Variants in SEC61A2 observed in about 807,000 individuals in gnomAD.
SEC61A2 encodes the protein SEC61 translocon subunit alpha 2, also known as protein transport protein Sec61 subunit alpha isoform 2.
In SEC61A2, 28 loss-of-function variants were observed where a neutral mutation model predicts 59.9. The ratio of observed to expected loss-of-function variants is 0.47; its 90% CI spans 0.35 to 0.64. SEC61A2 has a LOEUF of 0.64. Among genes scored for constraint, SEC61A2 ranks in the 30% least tolerant of loss-of-function variants. SEC61A2 has a pLI of 0.01. For missense variants in SEC61A2, 340 were observed against 585.9 expected, an observed-to-expected ratio of 0.58 and a Z score of 4.33; for synonymous variants, 202 against 214.4, an observed-to-expected ratio of 0.94 and a Z score of 0.50.
rs141416885 is a variant in SEC61A2, at chr10:12,135,262, C to G, written c.76-843C>G. 1.5e-3 allele frequency among the ~76,000 whole-genome samples: 229 copies of G among 152,030 alleles called. 2 individuals are homozygous for G. The highest frequency in any genetic ancestry group is 5.3e-3 in the African/African-American group (218 of 41,456). Reference sequence around the variant, plus strand: ...GCAAACCACCATGGCATATGTCTGCCTATGTAACAAACCGGCACGTTCAGC... The same window carrying G: ...GCAAACCACCATGGCATATGTCTGCGTATGTAACAAACCGGCACGTTCAGC... On this transcript the variant is annotated intron_variant, in intron 2 of 11. Transcript: ENST00000298428.
At chr10:12,167,371 G>T, downstream of SEC61A2, 1 of 215,316 alleles carries the variant, frequency 4.6e-6, no homozygotes. Context: ...TGAGAACTCA[G>T]GTCTATTTCT....
Position 12,156,966 on chromosome 10 carries a change from A to G in SEC61A2, c.676A>G (p.Lys226Glu). ...LFHLLATRTD[K>E]VRALREAFYR... is the part of the protein sequence containing the mutation. ...CCATTTGTTGGCCACCAGGACGGAC[A>G]AAGTCCGAGCTTTACGGGAGGCTTT... is the stretch of plus-strand genomic sequence containing the variant. The change falls in exon 8 of 12, where the codon AAA (lysine) becomes GAA (glutamate). Residue 226 changes from lysine (K) to glutamate (E), a missense_variant. This residue lies in a region of SEC61A2 where 283 missense variants were observed against 483.2 expected (regional missense o/e 0.59). Coordinates refer to ENST00000298428, the MANE Select transcript of SEC61A2 (RefSeq NM_018144.4). This position sits in a 1 kb window ranked among gnomAD's most constrained non-coding sequence, Gnocchi z 5.2. The G allele has an allele frequency of 6.2e-7, 1 of 1,614,062 alleles. No homozygotes were observed.
rs200832754 is a variant in SEC61A2, at chr10:12,160,925, T to C, written c.976-5T>C. 39 of 1,610,986 alleles carry C rather than the reference T, an allele frequency of 2.4e-5. No individual in the cohort carries two copies. In the African/African-American group the frequency reaches 4.0e-4, roughly 17 times the overall value. On this transcript the variant is annotated splice_polypyrimidine_tract_variant and splice_region_variant and intron_variant, in intron 9 of 11. Coordinates refer to ENST00000298428, the MANE Select transcript of SEC61A2 (RefSeq NM_018144.4). The surrounding 1 kb of genome is among the most constrained non-coding windows in gnomAD (Gnocchi z 4.1). The stretch of plus-strand genomic sequence containing the variant: ...CCACTTGTTCTTTGTACTCCTGTTC[T>C]GTAGGATGTCAGTGGGGGAGGACCC...
Position 12,164,169 on chromosome 10 carries a change from G to C in SEC61A2, c.1245-99G>C. 7.1e-7 allele frequency: 1 copy of C among 1,405,046 alleles called. No individual in the cohort carries two copies. The highest frequency in any genetic ancestry group is 9.7e-7 in the Non-Finnish European group (1 of 1,032,570). The allele number at this position is 1,405,046 out of a possible 1,614,324, so 87.0% of individuals were successfully genotyped here. ...CCCTCTGGAGTTCAGGGAGGCTTTA[G>C]ACCCAGCTATGGCTGCTGCGCCTCG... On this transcript the variant is annotated intron_variant, in intron 11 of 11. Transcript: ENST00000298428. The surrounding 1 kb of genome is among the most constrained non-coding windows in gnomAD (Gnocchi z 7.3).
intron 6 of SEC61A2, among the ~76,000 whole-genome samples, chr10:12,151,682 C>G (rs1834279366): frequency 6.6e-6 from 1 of 151,944 alleles, no homozygotes; most frequent in South Asian, 2.1e-4. Flanking sequence ...TCTCAAATAC[C>G]AGTTTATTAA....
rs1332329767 is a variant in SEC61A2 at position 12,154,612 on chromosome 10, T to C, written c.463-1166T>C. On this transcript the variant is annotated intron_variant, in intron 6 of 11. Coordinates refer to ENST00000298428, the MANE Select transcript of SEC61A2 (RefSeq NM_018144.4). This position sits in a 1 kb window ranked among gnomAD's most constrained non-coding sequence, Gnocchi z 5.2. The stretch of plus-strand genomic sequence containing the variant: ...GTTTTCAAGCAGTAAAGGATTAGCA[T>C]GATCTCTCTTAGAAGTTTGGAGAAT... 6.6e-6 allele frequency among the ~76,000 whole-genome samples: 1 copy of C among 152,226 alleles called. No individual in the cohort carries two copies. The highest frequency in any genetic ancestry group is 1.5e-5 in the Non-Finnish European group (1 of 68,030).
Position 12,133,304 on chromosome 10 carries a change from G to A in SEC61A2, c.71G>A (p.Arg24Lys). 1.3e-6 allele frequency: 2 copies of A among 1,531,820 alleles called. No homozygotes were observed. Among genetic ancestry groups the A allele is most frequent in the Non-Finnish European group, 1.8e-6 (2 of 1,108,526 alleles). The allele number at this position is 1,531,820 out of a possible 1,614,324, so 94.9% of individuals were successfully genotyped here. A position where few individuals can be genotyped will look rare whatever the true frequency, so the allele number is the denominator to read the frequency against. The change falls in exon 2 of 12, where the codon AGG becomes AAG. Residue 24 changes from arginine (R) to lysine (K), a missense_variant. Around this residue, in one of 3 missense-constraint regions of SEC61A2, gnomAD observed 41 missense variants for 47.6 expected, o/e 0.86. Coordinates refer to ENST00000298428, the MANE Select transcript of SEC61A2 (RefSeq NM_018144.4). Reference protein sequence around the residue: ...AVLPEIQKPERKIQFREKVLW... With the variant: ...AVLPEIQKPEKKIQFREKVLW... ...CTACCAGAAATTCAGAAACCGGAAA[G>A]GAAAGTAAGTATAATATTTTAGTAA...
rs144014371 is a variant in SEC61A2, at chr10:12,153,371, T to C, written c.463-2407T>C. On this transcript the variant is annotated intron_variant, in intron 6 of 11. Transcript: ENST00000298428. The surrounding 1 kb of genome is among the most constrained non-coding windows in gnomAD (Gnocchi z 5.2). Reference sequence around the variant, plus strand: ...ACACTTAGAACTGGCATGTAGCTCGTAGAACATTATACATCAAGAAAAGCT... The same window carrying C: ...ACACTTAGAACTGGCATGTAGCTCGCAGAACATTATACATCAAGAAAAGCT... Among the ~76,000 whole-genome samples the C allele has an allele frequency of 1.3e-5, 2 of 152,308 alleles. No homozygotes were observed. The highest frequency in any genetic ancestry group is 6.5e-5 in the Admixed American group (1 of 15,298).
At chr10:12,169,439 G>C, downstream of SEC61A2, 3 of 751,496 alleles carry the variant, frequency 4.0e-6, no homozygotes, top group South Asian at 2.0e-5. This position sits in a 1 kb window ranked among gnomAD's most constrained non-coding sequence, Gnocchi z 4.8. Context: ...GCCGAGAGAG[G>C]CTACAGAACC....
chr10:12,164,963 C>G lies in SEC61A2; in HGVS notation c.*509C>G. 2 of 967,250 alleles carry G rather than the reference C, an allele frequency of 2.1e-6. No individual in the cohort carries two copies. Among genetic ancestry groups the G allele is most frequent in the Non-Finnish European group, 1.2e-6 (1 of 818,228 alleles). The allele number at this position is 967,250 out of a possible 1,614,324, so 59.9% of individuals were successfully genotyped here. A position where few individuals can be genotyped will look rare whatever the true frequency, so the allele number is the denominator to read the frequency against. ...CACCCCCACCTCATTTTTATTTGTCCCTTCTCAAAGCAGCCACTTAGCCCA... is the reference window on the plus strand; with the variant it reads ...CACCCCCACCTCATTTTTATTTGTCGCTTCTCAAAGCAGCCACTTAGCCCA... On this transcript the variant is annotated 3_prime_UTR_variant, in exon 12 of 12. Transcript: ENST00000298428. The surrounding 1 kb of genome is among the most constrained non-coding windows in gnomAD (Gnocchi z 7.3).
downstream of SEC61A2, chr10:12,167,662 G>A: frequency 6.3e-7 from 1 of 1,583,536 alleles, no homozygotes; most frequent in Non-Finnish European, 8.7e-7. Context: ...AGAAGGCCTG[G>A]TGGTCTCGTT....
intron 4 of SEC61A2, among the ~76,000 whole-genome samples, chr10:12,148,830 T>A (rs555097208): frequency 1.3e-5 from 2 of 152,016 alleles, no homozygotes; most frequent in African/African-American, 4.8e-5. Context: ...GGCCAATAAA[T>A]CTATCTAATG....
Position 12,164,285 on chromosome 10 carries a change from C to T in SEC61A2, c.1262C>T (p.Ala421Val). The T allele has an allele frequency of 6.2e-7, 1 of 1,613,292 alleles. No individual in the cohort carries two copies. The highest frequency in any genetic ancestry group is 8.5e-7 in the Non-Finnish European group (1 of 1,180,024). ...HELNRYIPTA[A>V]AFGGLCIGAL... The stretch of plus-strand genomic sequence containing the variant: ...TCTCCTAGGTACATCCCCACCGCAG[C>T]TGCGTTTGGCGGTTTGTGCATTGGC... The change falls in exon 12 of 12, where the codon GCT becomes GTT. Residue 421 changes from alanine to valine, a missense_variant. This residue lies in a region of SEC61A2 where 283 missense variants were observed against 483.2 expected (regional missense o/e 0.59). Transcript: ENST00000298428. This position sits in a 1 kb window ranked among gnomAD's most constrained non-coding sequence, Gnocchi z 7.3.
Position 12,157,970 on chromosome 10 carries a change from C to T in SEC61A2, c.840C>T (p.Pro280=). The part of the protein sequence containing the change: ...ARYRGQYSSY[P]IKLFYTSNIP... ...ACCGAGGACAGTACAGCAGCTACCC[C>T]ATCAAACTCTTCTACACCTCCAACA... Residue 280 remains proline, a synonymous_variant, in exon 9 of 12, where the codon CCC becomes CCT. Coordinates refer to ENST00000298428, the MANE Select transcript of SEC61A2 (RefSeq NM_018144.4). 6.2e-7 allele frequency: 1 copy of T among 1,614,162 alleles called. No homozygotes were observed. Among genetic ancestry groups the T allele is most frequent in the Non-Finnish European group, 8.5e-7 (1 of 1,180,024 alleles).
At chr10:12,134,760 A>G (rs1046016771) in intron 2 of SEC61A2, among the ~76,000 whole-genome samples, 1 of 151,988 alleles carries the variant, frequency 6.6e-6, no homozygotes, top group Non-Finnish European at 1.5e-5. Context: ...TACTAAAAAT[A>G]CAAAAAAATT....
chr10:12,155,914 C>T lies in SEC61A2; in HGVS notation c.599C>T (p.Thr200Ile). ...TIVWKAFSPT[T>I]INTGRGTEFE... ...GTCTGGAAGGCCTTTAGTCCCACTA[C>T]CATTAACACTGGCAGAGGTACATCG... Residue 200 changes from threonine to isoleucine, a missense_variant, in exon 7 of 12, where the codon ACC becomes ATC. By Grantham distance (89) the Thr-to-Ile change is moderately conservative. Coordinates refer to ENST00000298428, the MANE Select transcript of SEC61A2 (RefSeq NM_018144.4). This position sits in a 1 kb window ranked among gnomAD's most constrained non-coding sequence, Gnocchi z 4.3. 1 of 1,614,222 alleles carries T rather than the reference C, an allele frequency of 6.2e-7. No homozygotes were observed. The highest frequency in any genetic ancestry group is 2.2e-5 in the East Asian group (1 of 44,892).
downstream of SEC61A2, chr10:12,169,632 C>A (rs1834807341): frequency 7.7e-6 from 2 of 261,408 alleles, no homozygotes; most frequent in Admixed American, 1.0e-4. The surrounding 1 kb of genome is among the most constrained non-coding windows in gnomAD (Gnocchi z 4.8). Context: ...TGGCTTCTAC[C>A]TTAGGTCTAG....
rs1165611368 is a variant in SEC61A2 at position 12,143,983 on chromosome 10, C to G, written c.220+788C>G. ...AGTAGCTGGGACTACTGGTGCGTGC[C>G]ACAATGCCTGGCTAATTTTTGTAGT... On this transcript the variant is annotated intron_variant, in intron 4 of 11. Coordinates refer to ENST00000298428, the MANE Select transcript of SEC61A2 (RefSeq NM_018144.4). The surrounding 1 kb of genome is among the most constrained non-coding windows in gnomAD (Gnocchi z 4.8). 6.6e-6 allele frequency among the ~76,000 whole-genome samples: 1 copy of G among 152,142 alleles called. No homozygotes were observed. The highest frequency in any genetic ancestry group is 1.5e-5 in the Non-Finnish European group (1 of 68,026).
At position 12,156,520 on chromosome 10, in the gene SEC61A2, T is replaced by TA. The variant is rs1258976474; in HGVS notation, c.617-386dup. 6.6e-6 allele frequency among the ~76,000 whole-genome samples: 1 copy of TA among 152,244 alleles called. No individual in the cohort carries two copies. The highest frequency in any genetic ancestry group is 1.5e-5 in the Non-Finnish European group (1 of 68,036). On this transcript the variant is annotated intron_variant, in intron 7 of 11. Coordinates refer to ENST00000298428, the MANE Select transcript of SEC61A2 (RefSeq NM_018144.4). The surrounding 1 kb of genome is among the most constrained non-coding windows in gnomAD (Gnocchi z 5.2). ...GCGGTAAACTTCGAGGCAGGCTCGA[T>TA]AGAGTGACATCTGTCTCTTATTCTG...
Sources: gnomAD v4.1 joint callset for allele counts (sites outside exome capture counted in the v4.1 genomes callset) on GRCh38, gnomAD v4.1.1 for gene constraint, gnomAD v4.1.1 regional missense constraint, Gnocchi (gnomAD v3.1) non-coding constraint, MANE v1.5 for transcripts, NCBI Gene and HGNC (gene_info 2026-07-23, HGNC 2026-07-21) for gene names.